ARPP19: variants seen among roughly 807,000 people sequenced by gnomAD.
The protein encoded by ARPP19 is cAMP-regulated phosphoprotein 19.
Under a neutral mutation model 12.0 loss-of-function variants are expected in ARPP19, and 8 were observed. The observed-to-expected ratio is 0.67, with a 90% CI of 0.39 to 1.21. ARPP19 has a LOEUF of 1.21. Ranked by LOEUF, ARPP19 falls within the 50% of genes most tolerant of loss-of-function variation. ARPP19 has a pLI of 0.01. For synonymous variants in ARPP19, 47 were observed against 50.4 expected (o/e 0.93, Z 0.29); for missense variants, 102 against 136.3 (o/e 0.75, Z 1.25).
chr15:52,568,209 T>G (rs886084711), intron 1 of ARPP19: 3 of 152,280 alleles, frequency 2.0e-5, no homozygotes, highest in Admixed American at 1.3e-4. Context: ...CTTTCGATTT[T>G]TAGTCAAGTA....
At chr15:52,566,131 G>A (rs1452633159) in intron 1 of ARPP19, among the ~76,000 whole-genome samples, 2 of 151,952 alleles carry the variant, frequency 1.3e-5, no homozygotes, top group African/African-American at 4.8e-5. Flanking sequence ...TGGGATTACA[G>A]GTGTGAGCCA....
chr15:52,563,185 T>C (rs1175746303), intron 1 of ARPP19, among the ~76,000 whole-genome samples: 1 of 152,218 alleles, frequency 6.6e-6, no homozygotes, highest in Non-Finnish European at 1.5e-5. Context: ...TTTTTTATGA[T>C]TCAAATCTGG....
upstream of ARPP19, chr15:52,569,299 T>C: frequency 7.9e-6 from 2 of 253,416 alleles, no homozygotes; most frequent in South Asian, 8.1e-5. Context: ...TTCTAGGAGC[T>C]TTATTTTACT....
intron 1 of ARPP19, chr15:52,564,211 T>C (rs958210096): frequency 3.9e-6 from 6 of 1,534,482 alleles, no homozygotes; most frequent in Non-Finnish European, 5.2e-6. Context: ...TAGGAATCGA[T>C]GGTTGCAGAG....
At chr15:52,560,524 T>G (rs1466040658) in intron 1 of ARPP19, among the ~76,000 whole-genome samples, 5 of 152,214 alleles carry the variant, frequency 3.3e-5, no homozygotes, top group Non-Finnish European at 5.9e-5. Context: ...CTAACTGGAT[T>G]CAGAATTTCA....
intron 1 of ARPP19, among the ~76,000 whole-genome samples, chr15:52,561,953 T>A (rs2078037184): frequency 6.8e-6 from 1 of 147,710 alleles, no homozygotes; most frequent in Non-Finnish European, 1.5e-5. Flanking sequence ...TTTTTTTTTT[T>A]TTTATTAAGA....
chr15:52,563,554 G>A (rs895856353), intron 1 of ARPP19, among the ~76,000 whole-genome samples: 2 of 152,156 alleles, frequency 1.3e-5, no homozygotes, highest in Non-Finnish European at 2.9e-5. Flanking sequence ...CTGTGAATAG[G>A]TGGGGTATAA....
In ARPP19 at chr15:52,568,944, C is replaced by T; in HGVS notation, c.-52G>A. ...GGGAAAAGATGCAATTAGCGGGTGG[C>T]CGAGGCCACCCGGCCGCCGCCCGTC... On this transcript the variant is annotated 5_prime_UTR_variant, in exon 1 of 3. Coordinates refer to ENST00000249822, the MANE Select transcript of ARPP19 (RefSeq NM_006628.6). The T allele has an allele frequency of 1.2e-5, 16 of 1,378,654 alleles. No individual in the cohort carries two copies. Among genetic ancestry groups the T allele is most frequent in the Non-Finnish European group, 1.6e-5 (16 of 1,004,478 alleles). The allele number at this position is 1,378,654 out of a possible 1,614,324, so 85.4% of individuals were successfully genotyped here.
intron 1 of ARPP19, among the ~76,000 whole-genome samples, chr15:52,563,267 GT>G (rs1293114413): frequency 7.2e-5 from 11 of 152,142 alleles, no homozygotes; most frequent in African/African-American, 2.7e-4. Context: ...AATAGATGCT[GT>G]AATGTAAATG....
intron 1 of ARPP19, among the ~76,000 whole-genome samples, chr15:52,558,237 T>A (rs1247948595): frequency 1.3e-5 from 2 of 152,088 alleles, no homozygotes. Flanking sequence ...TGCTTGAAGC[T>A]AGTAGTTCGA....
At chr15:52,553,629 C>T (rs901645875) in intron 2 of ARPP19, among the ~76,000 whole-genome samples, 2 of 152,182 alleles carry the variant, frequency 1.3e-5, no homozygotes, top group African/African-American at 4.8e-5. Context: ...AAGAAGGGGG[C>T]TCTAATCTCA....
In ARPP19 at chr15:52,568,664, T is replaced by C. The variant is rs543724497; in HGVS notation, c.45+184A>G. 697 of 486,552 alleles carry C rather than the reference T, an allele frequency of 1.4e-3. 2 individuals are homozygous for C. Among genetic ancestry groups the C allele is most frequent in the African/African-American group, 0.013 (642 of 48,556 alleles). The allele number at this position is 486,552 out of a possible 1,614,324, so 30.1% of individuals were successfully genotyped here. ...CGATTCGGAGTAAACGCGGGGCACGTTGGAACTCCCAATTCGTCGGCGCAC... is the reference window on the plus strand; with the variant it reads ...CGATTCGGAGTAAACGCGGGGCACGCTGGAACTCCCAATTCGTCGGCGCAC... On this transcript the variant is annotated intron_variant, in intron 1 of 2. Transcript: ENST00000249822.
At chr15:52,565,512 T>C (rs990010896) in intron 1 of ARPP19, among the ~76,000 whole-genome samples, 5 of 152,222 alleles carry the variant, frequency 3.3e-5, no homozygotes, top group Non-Finnish European at 7.3e-5. Flanking sequence ...CCACGTTGCA[T>C]CTAAGTAGTG....
Position 52,550,772 on chromosome 15 carries a change from A to AGGT in ARPP19, c.*1159_*1161dup, listed in dbSNP as rs1566893173. On this transcript the variant is annotated 3_prime_UTR_variant, in exon 3 of 3. Transcript: ENST00000249822. ...CAAAGAACAAAGGGGAAAAAAAAGC[A>AGGT]GGTGGCAGAGGGCATGGAATGCAGA... is the stretch of plus-strand genomic sequence containing the variant. 6.5e-6 allele frequency: 1 copy of AGGT among 152,692 alleles called. No homozygotes were observed. The highest frequency in any genetic ancestry group is 1.5e-5 in the Non-Finnish European group (1 of 68,044). The allele number at this position is 152,692 out of a possible 1,614,324, so 9.5% of individuals were successfully genotyped here. A position where few individuals can be genotyped will look rare whatever the true frequency, so the allele number is the denominator to read the frequency against.
rs2077894733 is a variant in ARPP19, at chr15:52,548,137, A to G, written c.*3797T>C. On this transcript the variant is annotated 3_prime_UTR_variant, in exon 3 of 3. Transcript: ENST00000249822. ...CTTTCTGTAGTTTGTTACCTGAGGC[A>G]ACCTTGGTCCAAAAATATTATGTGG... 6.6e-6 allele frequency: 1 copy of G among 152,228 alleles called. No individual in the cohort carries two copies. The highest frequency in any genetic ancestry group is 6.5e-5 in the Admixed American group (1 of 15,282). The allele number at this position is 152,228 out of a possible 1,614,324, so 9.4% of individuals were successfully genotyped here.
rs1313587522 is a variant in ARPP19 at position 52,550,920 on chromosome 15, C to T, written c.*1014G>A. On this transcript the variant is annotated 3_prime_UTR_variant, in exon 3 of 3. Transcript: ENST00000249822. ...TTCATAAAAATCAAAATGAAAGGTTCTGCATAGGACAAAAGATATGCCTAA... is the reference window on the plus strand; with the variant it reads ...TTCATAAAAATCAAAATGAAAGGTTTTGCATAGGACAAAAGATATGCCTAA... 6.6e-6 allele frequency: 1 copy of T among 152,648 alleles called. No homozygotes were observed. The highest frequency in any genetic ancestry group is 1.5e-5 in the Non-Finnish European group (1 of 68,018). 9.5% of individuals were successfully genotyped at this position (152,648 alleles called of 1,614,324 possible).
chr15:52,564,321 G>A (rs1595867732), intron 1 of ARPP19: 1 of 1,090,206 alleles, frequency 9.2e-7, no homozygotes, highest in East Asian at 2.6e-5. Flanking sequence ...GCTGAGGTGG[G>A]AGGCTAGGTG....
At chr15:52,569,120 C>T (rs574234853), upstream of ARPP19, 464 of 532,666 alleles carry the variant, frequency 8.7e-4, 3 homozygotes, top group African/African-American at 4.9e-3. Flanking sequence ...ACCTACTTGA[C>T]CCCGCTTCTC....
Position 52,548,590 on chromosome 15 carries a change from C to T in ARPP19, c.*3344G>A, listed in dbSNP as rs2077900651. 2.0e-5 allele frequency: 3 copies of T among 152,482 alleles called. No individual in the cohort carries two copies. Among genetic ancestry groups the T allele is most frequent in the Admixed American group, 2.0e-4 (3 of 15,264 alleles). The allele number at this position is 152,482 out of a possible 1,614,324, so 9.4% of individuals were successfully genotyped here. ...CTGGGATGTGAATCACCCCTTTGTCCTGCTTATCCACACTGTATACTACCT... is the reference window on the plus strand; with the variant it reads ...CTGGGATGTGAATCACCCCTTTGTCTTGCTTATCCACACTGTATACTACCT... On this transcript the variant is annotated 3_prime_UTR_variant, in exon 3 of 3. Coordinates refer to ENST00000249822, the MANE Select transcript of ARPP19 (RefSeq NM_006628.6).
Sources: gnomAD v4.1 joint callset for allele counts (sites outside exome capture counted in the v4.1 genomes callset) on GRCh38, gnomAD v4.1.1 for gene constraint, MANE v1.5 for transcripts, NCBI Gene and HGNC (gene_info 2026-07-23, HGNC 2026-07-21) for gene names.